Variants in THSD4 observed in about 807,000 individuals in gnomAD.
THSD4 encodes the protein thrombospondin type-1 domain-containing protein 4.
Under a neutral mutation model 119.0 loss-of-function variants are expected in THSD4, and 69 were observed. The observed-to-expected ratio is 0.58, with a 90% CI of 0.48 to 0.71. The LOEUF (loss-of-function observed/expected upper bound fraction) is 0.71, where lower values mean the gene tolerates loss of function less well. THSD4 is among the 30% of genes least tolerant of loss of function. THSD4 has a pLI of 0.00. For missense variants in THSD4, 1,393 were observed against 1,391.1 expected, an observed-to-expected ratio of 1.00 and a Z score of -0.02; for synonymous variants, 524 against 540.4, an observed-to-expected ratio of 0.97 and a Z score of 0.42.
intron 6 of THSD4, among the ~76,000 whole-genome samples, chr15:71,285,319 GT>G (rs888368557): frequency 6.6e-6 from 1 of 152,094 alleles, no homozygotes; most frequent in African/African-American, 2.4e-5. Context: ...TCCTTCACTT[GT>G]GTCTGTTGAG....
At chr15:71,724,912 G>A (rs1235796826) in intron 8 of THSD4, among the ~76,000 whole-genome samples, 2 of 33,934 alleles carry the variant, frequency 5.9e-5, no homozygotes, top group East Asian at 1.4e-3. Context: ...CACTGAGGCC[G>A]GGGTTGGGTT....
At chr15:71,149,365 C>A (rs2040697614) in intron 2 of THSD4, among the ~76,000 whole-genome samples, 1 of 152,160 alleles carries the variant, frequency 6.6e-6, no homozygotes, top group Non-Finnish European at 1.5e-5. Context: ...CCTGCCTCAG[C>A]CTCACGAGTA....
At position 71,438,705 on chromosome 15, in the gene THSD4, C is replaced by G. The variant is rs535179561; in HGVS notation, c.1152+26882C>G. Among the ~76,000 whole-genome samples, 59 of 152,152 alleles carry G rather than the reference C, an allele frequency of 3.9e-4. 1 individual carries two copies. The highest frequency in any genetic ancestry group is 1.4e-3 in the African/African-American group (57 of 41,442). On this transcript the variant is annotated intron_variant, in intron 7 of 17. Coordinates refer to ENST00000261862, the MANE Select transcript of THSD4 (RefSeq NM_024817.3). ...TGGCTTTGTATTCAATTCTATGAAT[C>G]TCTGTCTTTTCATATACAAATATTA... is the stretch of plus-strand genomic sequence containing the variant.
rs77941871 is a variant in THSD4 at position 71,603,122 on chromosome 15, A to G, written c.1153-57408A>G. 7.8e-3 allele frequency among the ~76,000 whole-genome samples: 1,189 copies of G among 152,354 alleles called. 17 individuals carry two copies. Among genetic ancestry groups the G allele is most frequent in the African/African-American group, 0.027 (1,126 of 41,582 alleles). On this transcript the variant is annotated intron_variant, in intron 7 of 17. Coordinates refer to ENST00000261862, the MANE Select transcript of THSD4 (RefSeq NM_024817.3). ...AAAATGCATTTTTGCTACAAATGCAATGATGTCTGACAGGTACAATGTAGA... is the reference window on the plus strand; with the variant it reads ...AAAATGCATTTTTGCTACAAATGCAGTGATGTCTGACAGGTACAATGTAGA...
chr15:71,331,823 C>G (rs2045424673), intron 6 of THSD4, among the ~76,000 whole-genome samples: 1 of 147,926 alleles, frequency 6.8e-6, no homozygotes, highest in South Asian at 2.2e-4. Context: ...CCCCCCCCTC[C>G]CCACCCCGTG....
chr15:71,404,745 G>A (rs1024103513), intron 6 of THSD4, among the ~76,000 whole-genome samples: 3 of 152,212 alleles, frequency 2.0e-5, no homozygotes, highest in African/African-American at 7.2e-5. Flanking sequence ...AAGGTGCCAT[G>A]AAGCAGGCAG....
intron 8 of THSD4, among the ~76,000 whole-genome samples, chr15:71,672,219 T>G (rs1436798235): frequency 1.2e-4 from 19 of 152,216 alleles, no homozygotes; most frequent in Admixed American, 6.5e-4. Context: ...GTAAGTTGGA[T>G]TCCTAGGTAT....
chr15:71,489,390 T>C (rs912155349), intron 7 of THSD4, among the ~76,000 whole-genome samples: 1 of 152,184 alleles, frequency 6.6e-6, no homozygotes, highest in Non-Finnish European at 1.5e-5. Context: ...GTCTTATTCA[T>C]CTTTAAAAGG....
intron 8 of THSD4, among the ~76,000 whole-genome samples, chr15:71,674,660 C>A (rs1343957966): frequency 6.6e-6 from 1 of 152,028 alleles, no homozygotes; most frequent in Non-Finnish European, 1.5e-5. Context: ...GGATAAAAGG[C>A]CTTTTCCCTA....
intron 7 of THSD4, among the ~76,000 whole-genome samples, chr15:71,462,708 A>T (rs2047445359): frequency 6.6e-6 from 1 of 152,174 alleles, no homozygotes; most frequent in Non-Finnish European, 1.5e-5. Flanking sequence ...AACCCATCTC[A>T]TGTGGGTCTC....
chr15:71,201,094 CAT>C (rs773684535), intron 3 of THSD4, among the ~76,000 whole-genome samples: 5 of 152,176 alleles, frequency 3.3e-5, no homozygotes, highest in African/African-American at 7.2e-5. Flanking sequence ...AGTCAAGTGT[CAT>C]GTGTAGCTTG....
chr15:71,101,999 C>T (rs1178309235), intron 1 of THSD4, among the ~76,000 whole-genome samples: 1 of 152,154 alleles, frequency 6.6e-6, no homozygotes, highest in African/African-American at 2.4e-5. Context: ...AGGCATGAGC[C>T]ACTGTGGAGG....
At chr15:71,578,291 C>G (rs934605899) in intron 7 of THSD4, among the ~76,000 whole-genome samples, 2 of 151,760 alleles carry the variant, frequency 1.3e-5, no homozygotes, top group Admixed American at 6.6e-5. Flanking sequence ...AGTGGGGTAG[C>G]TAGCACCAAC....
chr15:71,111,100 T>A (rs1181219773), upstream of THSD4: 1 of 1,544,180 alleles, frequency 6.5e-7, no homozygotes, highest in Non-Finnish European at 8.8e-7. Flanking sequence ...GGAAATAATC[T>A]GAATATCTGG....
rs561901395 is a variant in THSD4, at chr15:71,714,328, T to C, written c.1358-14221T>C. On this transcript the variant is annotated intron_variant, in intron 8 of 17. Coordinates refer to ENST00000261862, the MANE Select transcript of THSD4 (RefSeq NM_024817.3). ...CTGCTATCCCCAGCACCTAAAACAG[T>C]GCCTGACACATAGTAGGTGCTAAAC... 2.2e-3 allele frequency among the ~76,000 whole-genome samples: 339 copies of C among 152,288 alleles called. 3 individuals carry two copies. Among genetic ancestry groups the C allele is most frequent in the Non-Finnish European group, 3.2e-3 (221 of 68,018 alleles).
At chr15:71,134,592 T>G (rs1318834629) in intron 1 of THSD4, among the ~76,000 whole-genome samples, 2 of 152,244 alleles carry the variant, frequency 1.3e-5, no homozygotes, top group Admixed American at 1.3e-4. Flanking sequence ...TTTGTCCAAC[T>G]GTGATTGCAT....
intron 6 of THSD4, among the ~76,000 whole-genome samples, chr15:71,312,961 G>A (rs1046730451): frequency 2.6e-5 from 4 of 152,158 alleles, no homozygotes; most frequent in Non-Finnish European, 4.4e-5. Flanking sequence ...AAAGCTCTGC[G>A]AGAGCAGGGA....
chr15:71,157,814 C>T (rs2040794755), intron 3 of THSD4, among the ~76,000 whole-genome samples: 1 of 149,784 alleles, frequency 6.7e-6, no homozygotes, highest in Non-Finnish European at 1.5e-5. Flanking sequence ...GACAAGATTT[C>T]ATTCTTTTTA....
intron 7 of THSD4, among the ~76,000 whole-genome samples, chr15:71,533,426 CCAAT>C (rs1344000464): frequency 2.6e-5 from 4 of 152,088 alleles, no homozygotes; most frequent in African/African-American, 7.2e-5. Context: ...ACAGCATACA[CCAAT>C]CAGTGTCACT....
Sources: allele counts gnomAD v4.1 joint callset (sites outside exome capture counted in the v4.1 genomes callset), GRCh38; gene constraint gnomAD v4.1.1; transcripts MANE v1.5; gene names NCBI Gene and HGNC (gene_info 2026-07-23, HGNC 2026-07-21).